The following TTN variants were observed in gnomAD, a reference collection of about 807,000 sequenced individuals.
The protein encoded by TTN is connectin.
Under a neutral mutation model 3,223.0 loss-of-function variants are expected in TTN, and 1,525 were observed. That is an observed-to-expected ratio of 0.47 (90% CI 0.45 to 0.49). The LOEUF is 0.49. Ranked by LOEUF, TTN falls within the 20% of genes least tolerant of loss-of-function variation. TTN has a pLI of 0.00. For synonymous variants in TTN, 14,094 were observed against 15,161.0 expected (o/e 0.93, Z 5.17); for missense variants, 40,786 against 43,424.0 (o/e 0.94, Z 5.40).
At position 178,581,940 on chromosome 2, in the gene TTN, G is replaced by A. The variant is rs1367041984; in HGVS notation, c.66429C>T (p.Asp22143=). 15 of 1,613,086 alleles carry A rather than the reference G, an allele frequency of 9.3e-6. No individual in the cohort carries two copies. The highest frequency in any genetic ancestry group is 1.6e-4 in the Middle Eastern group (1 of 6,068). The part of the protein sequence containing the change: ...INKAGPGKPS[D]ASKAAYARDP... Reference sequence around the variant, plus strand: ...CCCGAGCATAAGCGGCCTTGGATGCGTCACTGGGTTTGCCTGGTCCAGCTT... The same window carrying A: ...CCCGAGCATAAGCGGCCTTGGATGCATCACTGGGTTTGCCTGGTCCAGCTT... The change falls in exon 315 of 363, where the codon GAC becomes GAT. Residue 22143 remains aspartate (D), a synonymous_variant. Transcript: ENST00000589042.
rs540403126 is a variant in TTN, at chr2:178,572,426, A to C, written c.73706T>G (p.Val24569Gly). The change falls in exon 326 of 363, where the codon GTT (valine) becomes GGT (glycine). Residue 24569 changes from valine (V) to glycine (G), a missense_variant. Transcript: ENST00000589042. Reference sequence around the variant, plus strand: ...GGAAGTCTTGTGGCAGTTTGTTGCAACAGTTGAATATGCTTTTCTTGTTGA... The same window carrying C: ...GGAAGTCTTGTGGCAGTTTGTTGCACCAGTTGAATATGCTTTTCTTGTTGA... The part of the protein sequence containing the change: ...RESTRKAYST[V>G]ATNCHKTSWK... 1 of 1,612,934 alleles carries C rather than the reference A, an allele frequency of 6.2e-7. No individual in the cohort carries two copies. Among genetic ancestry groups the C allele is most frequent in the East Asian group, 2.2e-5 (1 of 44,706 alleles).
Position 178,554,616 on chromosome 2 carries a change from G to C in TTN, c.88731C>G (p.Ser29577Arg). 6.2e-7 allele frequency: 1 copy of C among 1,613,868 alleles called. No homozygotes were observed. Among genetic ancestry groups the C allele is most frequent in the Non-Finnish European group, 8.5e-7 (1 of 1,179,846 alleles). Residue 29577 changes from serine to arginine, a missense_variant, in exon 332 of 363, where the codon AGC (serine) becomes AGG (arginine). Transcript: ENST00000589042. ...THYIVEKRET[S>R]RVVWSMVSEH... The stretch of plus-strand genomic sequence containing the variant: ...CAGACACCATAGACCACACAACGCG[G>C]CTTGTCTCACGCTTTTCCACAATGT...
At chr2:178,749,274 C>T (rs762365120) in intron 47 of TTN, 2 of 1,611,508 alleles carry the variant, frequency 1.2e-6, no homozygotes, top group Non-Finnish European at 1.7e-6. Context: ...ACAGTACCCT[C>T]TGCTTGGTGC....
intron 47 of TTN, chr2:178,751,735 C>T (rs2085567585): frequency 1.9e-6 from 3 of 1,613,202 alleles, no homozygotes; most frequent in East Asian, 4.5e-5. Context: ...GTAAATCACT[C>T]TCAGCTTTTA....
chr2:178,779,717 G>C (rs956942686), intron 22 of TTN: 4 of 533,864 alleles, frequency 7.5e-6, no homozygotes, highest in Non-Finnish European at 1.3e-5. Context: ...CACAGATGAA[G>C]AGATCTTGGC....
At position 178,794,539 on chromosome 2, in the gene TTN, C is replaced by G. The variant is rs760523914; in HGVS notation, c.1258G>C (p.Ala420Pro). ...ATGAKEVKQD[A>P]DKSAAVATVV... The stretch of plus-strand genomic sequence containing the variant: ...GTCGCAACAGCTGCACTTTTGTCAG[C>G]ATCTTGTTTCACCTAGATTAGAAAT... The change falls in exon 8 of 363, where the codon GCT becomes CCT. Residue 420 changes from alanine to proline, a missense_variant. Physicochemically the swap from Ala to Pro is conservative, Grantham distance 27. Transcript: ENST00000589042. 6.2e-7 allele frequency: 1 copy of G among 1,614,194 alleles called. No homozygotes were observed. Among genetic ancestry groups the G allele is most frequent in the Admixed American group, 1.7e-5 (1 of 60,034 alleles).
In TTN at chr2:178,667,445, T is replaced by C; in HGVS notation, c.35710A>G (p.Lys11904Glu). Residue 11904 changes from lysine (K) to glutamate (E), a missense_variant, in exon 161 of 363, where the codon AAA (lysine) becomes GAA (glutamate). Transcript: ENST00000589042. ...IPKKRETPATKEPDTTRGIFP... is the reference protein window; with the variant it reads ...IPKKRETPATEEPDTTRGIFP... Reference sequence around the variant, plus strand: ...GTTTGATGTATTTGAAATATACCTTTAGTTGCTGGTGTTTCTCTCTTTTTA... The same window carrying C: ...GTTTGATGTATTTGAAATATACCTTCAGTTGCTGGTGTTTCTCTCTTTTTA... 6.3e-7 allele frequency: 1 copy of C among 1,599,870 alleles called. No individual in the cohort carries two copies. Among genetic ancestry groups the C allele is most frequent in the Non-Finnish European group, 8.5e-7 (1 of 1,175,112 alleles).
chr2:178,722,234 GAA>G (rs773647251), intron 77 of TTN, 23 bp downstream of exon 77: 4 of 1,537,852 alleles, frequency 2.6e-6, no homozygotes, highest in East Asian at 2.3e-5. Context: ...AGTTTGCAAA[GAA>G]AAAGAGTGAC....
Position 178,677,192 on chromosome 2 carries a change from G to GA in TTN, c.34378+8dup, listed in dbSNP as rs2068259514. The GA allele has an allele frequency of 8.2e-7, 1 of 1,224,324 alleles. No individual in the cohort carries two copies. The highest frequency in any genetic ancestry group is 1.0e-6 in the Non-Finnish European group (1 of 983,162). The allele number at this position is 1,224,324 out of a possible 1,614,324, so 75.8% of individuals were successfully genotyped here. ...GTGAACAATGTGTATTCACTTTGGG[G>GA]AGGTGTACCTTTGGGTGGTGGTGGA... On this transcript the variant is annotated intron_variant, in intron 147 of 362. Transcript: ENST00000589042.
At chr2:178,663,543 T>G (rs532673326) in intron 171 of TTN, 27 bp from the exon 172 acceptor site, 15 of 1,613,372 alleles carry the variant, frequency 9.3e-6, no homozygotes, top group Non-Finnish European at 1.3e-5. Flanking sequence ...GAAATTACAT[T>G]TAGGCATTAT....
chr2:178,631,306 A>C lies in TTN; in HGVS notation c.43748-6T>G. 6.2e-7 allele frequency: 1 copy of C among 1,600,168 alleles called. No individual in the cohort carries two copies. Among genetic ancestry groups the C allele is most frequent in the Non-Finnish European group, 8.5e-7 (1 of 1,175,742 alleles). The stretch of plus-strand genomic sequence containing the variant: ...TGTAAAATATGGGTCTCCCTCTGCA[A>C]GTAAAGTATAAGTGAAAAGCTTTTA... On this transcript the variant is annotated splice_region_variant and splice_polypyrimidine_tract_variant and intron_variant, in intron 236 of 362. Transcript: ENST00000589042.
rs1560581705 is a variant in TTN, at chr2:178,712,604, C to A, written c.27329-11G>T. On this transcript the variant is annotated splice_polypyrimidine_tract_variant and intron_variant, in intron 94 of 362. Coordinates refer to ENST00000589042, the MANE Select transcript of TTN (RefSeq NM_001267550.2). ...CAAATTTGGCTGGGGCTAAAGTGAC[C>A]AAATTGAAAATATAAAATCAAACAC... 1.1e-5 allele frequency: 17 copies of A among 1,607,362 alleles called. No individual in the cohort carries two copies. The highest frequency in any genetic ancestry group is 1.4e-5 in the Non-Finnish European group (17 of 1,176,284).
At position 178,734,861 on chromosome 2, in the gene TTN, T is replaced by G. The variant is rs727503651; in HGVS notation, c.15063A>C (p.Glu5021Asp). 11 of 1,613,594 alleles carry G rather than the reference T, an allele frequency of 6.8e-6. No individual in the cohort carries two copies. The Admixed American group carries it at 1.5e-4, about 22-fold the overall frequency. Residue 5021 changes from glutamate to aspartate, a missense_variant, in exon 51 of 363, where the codon GAA (glutamate) becomes GAC (aspartate). Coordinates refer to ENST00000589042, the MANE Select transcript of TTN (RefSeq NM_001267550.2). ...IQVTWFKNNK[E>D]LSESNTVRMY... ...TTCGGACTGTGTTACTTTCACTGAGTTCTTTGTTATTTTTAAACCAAGTAA... is the reference window on the plus strand; with the variant it reads ...TTCGGACTGTGTTACTTTCACTGAGGTCTTTGTTATTTTTAAACCAAGTAA...
chr2:178,563,508 A>T lies in TTN; in HGVS notation c.82624T>A (p.Phe27542Ile), dbSNP rs1704452293. 3 of 1,613,748 alleles carry T rather than the reference A, an allele frequency of 1.9e-6. No individual in the cohort carries two copies. The highest frequency in any genetic ancestry group is 8.5e-7 in the Non-Finnish European group (1 of 1,179,758). ...TGLTEGHSYE[F>I]RVAAENAAGV... ...GCTGCATTTTCAGCAGCAACTCTGA[A>T]TTCATAGGAATGGCCTTCGGTAAGA... Residue 27542 changes from phenylalanine (F) to isoleucine (I), a missense_variant, in exon 326 of 363, where the codon TTC becomes ATC. By Grantham distance (21) the Phe-to-Ile change is conservative (BLOSUM62 0). Coordinates refer to ENST00000589042, the MANE Select transcript of TTN (RefSeq NM_001267550.2). This position sits in a 1 kb window ranked among gnomAD's most constrained non-coding sequence, Gnocchi z 4.5.
Position 178,599,026 on chromosome 2 carries a change from C to A in TTN, c.56684G>T (p.Ser18895Ile), listed in dbSNP as rs2052561080. ...PGAPDKPTVS[S>I]VTRNSMTVNW... ...GACAGTCATGGAGTTACGAGTCACG[C>A]TGCTAACTGTTGGTTTATCTGGTGC... Residue 18895 changes from serine (S) to isoleucine (I), a missense_variant, in exon 291 of 363, where the codon AGC becomes ATC. By Grantham distance (142) the Ser-to-Ile change is moderately radical. Coordinates refer to ENST00000589042, the MANE Select transcript of TTN (RefSeq NM_001267550.2). 6.3e-7 allele frequency: 1 copy of A among 1,590,598 alleles called. No homozygotes were observed.
rs754264431 is a variant in TTN, at chr2:178,598,888, G to A, written c.56822C>T (p.Ala18941Val). The A allele has an allele frequency of 2.9e-5, 46 of 1,613,066 alleles. No homozygotes were observed. The highest frequency in any genetic ancestry group is 3.7e-5 in the Non-Finnish European group (44 of 1,179,522). Reference sequence around the variant, plus strand: ...TTTATAAGAAACACCCAAAGTCATGGCTTTGATAGGATCTCGGTTAACTCT... The same window carrying A: ...TTTATAAGAAACACCCAAAGTCATGACTTTGATAGGATCTCGGTTAACTCT... ...WKRVNRDPIK[A>V]MTLGVSYKVT... The change falls in exon 291 of 363, where the codon GCC (alanine) becomes GTC (valine). Residue 18941 changes from alanine to valine, a missense_variant. Physicochemically the swap from Ala to Val is moderately conservative, Grantham distance 64. Transcript: ENST00000589042.
chr2:178,753,058 G>A, intron 47 of TTN, 66 bp downstream of exon 47: 2 of 1,323,794 alleles, frequency 1.5e-6, no homozygotes, highest in Admixed American at 3.6e-5. Flanking sequence ...GAGAAAGAAG[G>A]CAACTCAAGG....
rs751328329 is a variant in TTN, at chr2:178,682,900, A to G, written c.32891T>C (p.Val10964Ala). The change falls in exon 135 of 363, where the codon GTA becomes GCA. Residue 10964 changes from valine (V) to alanine (A), a missense_variant. Val to Ala is a moderately conservative substitution (Grantham distance 64). Transcript: ENST00000589042. ...PKREPQPIKE[V>A]TIMEEKERAY... is the part of the protein sequence containing the mutation. ...CCTTTCTTTCTCTTCCATTATAGTTACTTCTGAAACAATATTAACAACAGG... is the reference window on the plus strand; with the variant it reads ...CCTTTCTTTCTCTTCCATTATAGTTGCTTCTGAAACAATATTAACAACAGG... 2 of 1,596,296 alleles carry G rather than the reference A, an allele frequency of 1.3e-6. No homozygotes were observed. Among genetic ancestry groups the G allele is most frequent in the Non-Finnish European group, 1.7e-6 (2 of 1,172,600 alleles).
Position 178,747,021 on chromosome 2 carries a change from T to C in TTN, c.11312-5100A>G, listed in dbSNP as rs745702519. 42 of 1,613,374 alleles carry C rather than the reference T, an allele frequency of 2.6e-5. No individual in the cohort carries two copies. Among genetic ancestry groups the C allele is most frequent in the Non-Finnish European group, 3.4e-5 (40 of 1,179,616 alleles). ...GATGGATATGTTTTAAAAGTACCAG[T>C]GGGGTTTGGTCCTCCAGTAGGAATA... On this transcript the variant is annotated intron_variant, in intron 47 of 362. Coordinates refer to ENST00000589042, the MANE Select transcript of TTN (RefSeq NM_001267550.2).
Sources: allele counts gnomAD v4.1 joint callset, GRCh38; gene constraint gnomAD v4.1.1; non-coding constraint Gnocchi (gnomAD v3.1); transcripts MANE v1.5; gene names NCBI Gene and HGNC (gene_info 2026-07-23, HGNC 2026-07-21).